The following BCAP29 variants were observed in gnomAD, a reference collection of about 807,000 sequenced individuals.
BCAP29 encodes B-cell receptor-associated protein 29.
Under a neutral mutation model 31.8 loss-of-function variants are expected in BCAP29, and 34 were observed. That is an observed-to-expected ratio of 1.07 (90% CI 0.81 to 1.42). The LOEUF (loss-of-function observed/expected upper bound fraction) is 1.42. BCAP29 is among the 40% of genes most tolerant of loss of function. BCAP29 has a pLI of 0.00. For missense variants in BCAP29, 314 were observed against 269.2 expected (o/e 1.17, Z -1.16); for synonymous variants, 104 against 91.3 (o/e 1.14, Z -0.79).
chr7:107,600,650 T>C (rs1016644762), intron 6 of BCAP29, 145 bp downstream of exon 6: 58 of 535,834 alleles, frequency 1.1e-4, no homozygotes, highest in South Asian at 9.1e-4. Flanking sequence ...CTTGTTCAAA[T>C]ATGAAGATAA....
At chr7:107,580,906 C>T in intron 2 of BCAP29, 42 bp downstream of exon 2, 1 of 1,433,718 alleles carries the variant, frequency 7.0e-7, no homozygotes, top group Non-Finnish European at 9.4e-7. Flanking sequence ...TATTGGATCG[C>T]TCTTAATGTA....
intron 5 of BCAP29, among the ~76,000 whole-genome samples, chr7:107,599,466 CTA>C (rs922579489): frequency 4.8e-5 from 7 of 144,512 alleles, no homozygotes; most frequent in Non-Finnish European, 7.5e-5. Context: ...GCTGAAGAGA[CTA>C]TGGGTTGCAC....
intron 1 of BCAP29, 112 bp downstream of exon 1, chr7:107,580,413 C>G (rs868690675): frequency 2.1e-5 from 5 of 241,570 alleles, no homozygotes; most frequent in African/African-American, 9.4e-5. Context: ...CGGCCCGGCC[C>G]GGTCCGCGGC....
At chr7:107,603,429 C>T (rs887746839) in intron 6 of BCAP29, 1 of 122,258 alleles carries the variant, frequency 8.2e-6, no homozygotes, top group Non-Finnish European at 1.6e-5. Context: ...TAAAAAACAT[C>T]CCATATTTTA....
intron 3 of BCAP29, among the ~76,000 whole-genome samples, chr7:107,585,732 G>T (rs1807543213): frequency 6.6e-6 from 1 of 152,182 alleles, no homozygotes; most frequent in Non-Finnish European, 1.5e-5. Context: ...GCTCACCTCT[G>T]TAATCTCAGC....
chr7:107,622,828 C>CA (rs1449606884), downstream of BCAP29: 5 of 152,336 alleles, frequency 3.3e-5, no homozygotes, highest in Admixed American at 6.5e-5. Flanking sequence ...CTCAGAATGT[C>CA]AGTGTTGCCA....
At chr7:107,599,728 ATAATT>A (rs1168710812) in intron 5 of BCAP29, among the ~76,000 whole-genome samples, 2 of 152,064 alleles carry the variant, frequency 1.3e-5, no homozygotes, top group Admixed American at 6.6e-5. Context: ...TTACTCCATG[ATAATT>A]TTATTTTGAT....
chr7:107,622,703 C>T (rs1815080173), downstream of BCAP29: 2 of 152,236 alleles, frequency 1.3e-5, no homozygotes, highest in Admixed American at 1.3e-4. Context: ...TTTAGCAATA[C>T]CTAGAGACAT....
In BCAP29 at chr7:107,594,292, G is replaced by T. The variant is rs1809407206; in HGVS notation, c.344+187G>T. 3 of 562,658 alleles carry T rather than the reference G, an allele frequency of 5.3e-6. No homozygotes were observed. The South Asian group carries it at 7.0e-5, about 13-fold the overall frequency. 34.9% of individuals were successfully genotyped at this position (562,658 alleles called of 1,614,324 possible). ...TAACTTCAAACTCCTGGGTTCAAGTGATCCTGCCTCTTCAACCTCTCATTT... is the reference window on the plus strand; with the variant it reads ...TAACTTCAAACTCCTGGGTTCAAGTTATCCTGCCTCTTCAACCTCTCATTT... On this transcript the variant is annotated intron_variant, in intron 4 of 7. Transcript: ENST00000005259.
chr7:107,606,992 C>G (rs1812221789), intron 6 of BCAP29, among the ~76,000 whole-genome samples: 1 of 152,156 alleles, frequency 6.6e-6, no homozygotes, highest in South Asian at 2.1e-4. Flanking sequence ...GCCCTGTCCC[C>G]AGAAGCAACT....
At chr7:107,616,015 T>A (rs1244803026) in intron 7 of BCAP29, 1 of 152,342 alleles carries the variant, frequency 6.6e-6, no homozygotes, top group African/African-American at 2.4e-5. Context: ...AACCACTATG[T>A]TCTTTGGCCT....
At chr7:107,606,990 C>G (rs1399243877) in intron 6 of BCAP29, among the ~76,000 whole-genome samples, 1 of 152,066 alleles carries the variant, frequency 6.6e-6, no homozygotes, top group East Asian at 1.9e-4. Flanking sequence ...AGGCCCTGTC[C>G]CCAGAAGCAA....
At chr7:107,598,909 AC>A (rs1291851857) in intron 5 of BCAP29, among the ~76,000 whole-genome samples, 1 of 55,930 alleles carries the variant, frequency 1.8e-5, no homozygotes, top group Non-Finnish European at 4.8e-5. Flanking sequence ...ACACACACAC[AC>A]ACACACACAC....
intron 4 of BCAP29, 171 bp downstream of exon 4, chr7:107,594,276 A>G: frequency 5.0e-6 from 3 of 595,332 alleles, no homozygotes; most frequent in Non-Finnish European, 8.7e-6. Context: ...GTAACTTCAA[A>G]CTCCTGGGTT....
chr7:107,605,751 A>G (rs1340043849), intron 6 of BCAP29, among the ~76,000 whole-genome samples: 1 of 152,214 alleles, frequency 6.6e-6, no homozygotes, highest in East Asian at 1.9e-4. Flanking sequence ...GTCTTATTCC[A>G]TACCTAGATA....
rs114604442 is a variant in BCAP29 at position 107,605,763 on chromosome 7, G to A, written c.589+5258G>A. 4.4e-3 allele frequency among the ~76,000 whole-genome samples: 675 copies of A among 152,278 alleles called. 7 individuals carry two copies. The highest frequency in any genetic ancestry group is 0.015 in the African/African-American group (637 of 41,546). ...ACTGTCTTATTCCATACCTAGATAT[G>A]CATGTTTACTACAATCCTTCATGGT... On this transcript the variant is annotated intron_variant, in intron 6 of 7. Transcript: ENST00000005259.
Position 107,588,590 on chromosome 7 carries a change from C to T in BCAP29, c.193+4608C>T, listed in dbSNP as rs369080082. Among the ~76,000 whole-genome samples the T allele has an allele frequency of 3.8e-4, 58 of 152,208 alleles. 1 individual carries two copies. The highest frequency in any genetic ancestry group is 1.3e-3 in the African/African-American group (53 of 41,542). ...CAAAAGCAGGCAGAAACTAGAGGGA[C>T]GTCAACCCTTAAAAGAAGGGAATCA... On this transcript the variant is annotated intron_variant, in intron 3 of 7. Coordinates refer to ENST00000005259, the MANE Select transcript of BCAP29 (RefSeq NM_018844.4).
intron 7 of BCAP29, chr7:107,613,796 C>T (rs1813661133): frequency 8.5e-7 from 1 of 1,175,898 alleles, no homozygotes; most frequent in Admixed American, 1.7e-5. Flanking sequence ...ATTTCAAGTT[C>T]CACATCACAC....
At chr7:107,621,055 C>T (rs1814922337), downstream of BCAP29, 1 of 152,464 alleles carries the variant, frequency 6.6e-6, no homozygotes, top group Admixed American at 6.5e-5. Flanking sequence ...TTGCCTTGCC[C>T]TACCTCTGTG....
Sources: gnomAD v4.1 joint callset for allele counts (sites outside exome capture counted in the v4.1 genomes callset) on GRCh38, gnomAD v4.1.1 for gene constraint, MANE v1.5 for transcripts, NCBI Gene and HGNC (gene_info 2026-07-23, HGNC 2026-07-21) for gene names.